Variants in AGBL1 observed in about 807,000 individuals in gnomAD.
AGBL1 encodes the protein AGBL carboxypeptidase 1, also known as cytosolic carboxypeptidase 4.
A neutral mutation model predicts 118.9 loss-of-function variants in AGBL1; 130 were observed. The observed-to-expected ratio is 1.09, with a 90% CI of 0.95 to 1.26. The LOEUF (loss-of-function observed/expected upper bound fraction) is 1.26. AGBL1 is among the 50% of genes most tolerant of loss of function. AGBL1 has a pLI of 0.00. For synonymous variants in AGBL1, 555 were observed against 478.9 expected, an observed-to-expected ratio of 1.16 and a Z score of -2.08; for missense variants, 1,584 against 1,298.1, an observed-to-expected ratio of 1.22 and a Z score of -3.38.
At chr15:86,937,742 C>G (rs964050660) in intron 23 of AGBL1, among the ~76,000 whole-genome samples, 2 of 152,112 alleles carry the variant, frequency 1.3e-5, no homozygotes, top group Non-Finnish European at 2.9e-5. Flanking sequence ...TACAACAAAC[C>G]CCCATGACAT....
At chr15:86,261,338 T>C (rs1037840664) in intron 9 of AGBL1, among the ~76,000 whole-genome samples, 1 of 152,022 alleles carries the variant, frequency 6.6e-6, no homozygotes, top group African/African-American at 2.4e-5. Context: ...AAGCAGGAAT[T>C]GATGGATGAA....
chr15:86,771,062 G>A (rs2078172312), intron 22 of AGBL1, among the ~76,000 whole-genome samples: 2 of 152,040 alleles, frequency 1.3e-5, no homozygotes, highest in African/African-American at 4.8e-5. Flanking sequence ...CCACAGTCTA[G>A]AGGAACTCTA....
At chr15:86,530,704 T>G (rs1481082907) in intron 19 of AGBL1, among the ~76,000 whole-genome samples, 4 of 150,370 alleles carry the variant, frequency 2.7e-5, no homozygotes, top group Non-Finnish European at 5.9e-5. Context: ...ACCACATAGT[T>G]GGAAGTAAAG....
chr15:86,701,435 A>G (rs10520636), intron 22 of AGBL1, among the ~76,000 whole-genome samples: 13,916 of 152,106 alleles, frequency 0.091, 786 homozygotes, highest in African/African-American at 0.15. Context: ...GATGTTTACA[A>G]AGTCCCAGCT....
intron 16 of AGBL1, among the ~76,000 whole-genome samples, chr15:86,283,190 C>A (rs565436896): frequency 2.6e-5 from 4 of 152,080 alleles, no homozygotes; most frequent in Admixed American, 2.6e-4. Flanking sequence ...TAGCAATAAT[C>A]GTTACAGTAT....
At chr15:86,298,777 G>A (rs2079698441) in intron 17 of AGBL1, among the ~76,000 whole-genome samples, 1 of 152,094 alleles carries the variant, frequency 6.6e-6, no homozygotes, top group Admixed American at 6.6e-5. Flanking sequence ...TCCACTGTGT[G>A]GGATTATTAC....
At chr15:86,217,170 A>G (rs1467262008) in intron 5 of AGBL1, among the ~76,000 whole-genome samples, 7 of 152,192 alleles carry the variant, frequency 4.6e-5, no homozygotes, top group East Asian at 1.9e-4. Flanking sequence ...CTTTTCAAAA[A>G]TACTTTTGTC....
At chr15:86,245,500 G>A (rs1427564900) in intron 6 of AGBL1, among the ~76,000 whole-genome samples, 2 of 152,172 alleles carry the variant, frequency 1.3e-5, no homozygotes, top group Non-Finnish European at 2.9e-5. Flanking sequence ...AGCCAAGAGG[G>A]CCAGGCATCT....
chr15:86,148,470 C>T (rs1302050909), intron 3 of AGBL1, among the ~76,000 whole-genome samples: 1 of 152,132 alleles, frequency 6.6e-6, no homozygotes, highest in African/African-American at 2.4e-5. Flanking sequence ...ACAAGAACTT[C>T]GTGACACATG....
chr15:86,286,746 T>TATATATATATAA (rs1252958058), intron 16 of AGBL1, among the ~76,000 whole-genome samples: 2 of 145,702 alleles, frequency 1.4e-5, no homozygotes, highest in Admixed American at 6.9e-5. Context: ...TATATATATA[T>TATATATATATAA]ATAAAACTCC....
intron 21 of AGBL1, among the ~76,000 whole-genome samples, chr15:86,596,225 A>T (rs1454425027): frequency 6.6e-6 from 1 of 152,034 alleles, no homozygotes; most frequent in Non-Finnish European, 1.5e-5. Flanking sequence ...GGAGGATTGC[A>T]TGAGCCCTCC....
intron 6 of AGBL1, among the ~76,000 whole-genome samples, chr15:86,228,983 C>T (rs959085469): frequency 1.3e-5 from 2 of 152,066 alleles, no homozygotes; most frequent in African/African-American, 4.8e-5. Context: ...TGTATCAGTT[C>T]CCCTCTTCTC....
intron 5 of AGBL1, among the ~76,000 whole-genome samples, chr15:86,224,687 G>A (rs1220101426): frequency 6.6e-6 from 1 of 152,126 alleles, no homozygotes; most frequent in Non-Finnish European, 1.5e-5. Context: ...GAGATTTTCA[G>A]CAGCAGAGGG....
At chr15:86,831,202 G>C (rs1164935511) in intron 22 of AGBL1, among the ~76,000 whole-genome samples, 1 of 152,102 alleles carries the variant, frequency 6.6e-6, no homozygotes, top group African/African-American at 2.4e-5. Flanking sequence ...AGGATTATGG[G>C]AGCTAAAATT....
intron 22 of AGBL1, among the ~76,000 whole-genome samples, chr15:86,775,012 C>A (rs2078234769): frequency 6.6e-6 from 1 of 152,074 alleles, no homozygotes; most frequent in Admixed American, 6.6e-5. Context: ...TATTCATATC[C>A]CAAAAAATAC....
Position 86,275,515 on chromosome 15 carries a change from T to C in AGBL1, c.2075+3809T>C, listed in dbSNP as rs116383291. ...CATTCTCCATCATGGCATTTGCTTA[T>C]TTTATGCACCCTGCTGAAAAGAAAC... On this transcript the variant is annotated intron_variant, in intron 15 of 22. Coordinates refer to ENST00000614907, the MANE Select transcript of AGBL1 (RefSeq NM_001386094.1). Among the ~76,000 whole-genome samples the C allele has an allele frequency of 5.6e-3, 852 of 152,336 alleles. 5 individuals carry two copies. Among genetic ancestry groups the C allele is most frequent in the African/African-American group, 0.02 (820 of 41,574 alleles).
At chr15:86,919,167 T>C (rs1415961347), downstream of AGBL1, among the ~76,000 whole-genome samples, 2 of 152,228 alleles carry the variant, frequency 1.3e-5, no homozygotes, top group Admixed American at 1.3e-4. Context: ...CCTAAACTGT[T>C]ACTGTTCCTC....
intron 21 of AGBL1, among the ~76,000 whole-genome samples, chr15:86,637,134 A>G (rs1317245854): frequency 6.6e-6 from 1 of 152,124 alleles, no homozygotes; most frequent in Non-Finnish European, 1.5e-5. Context: ...ACCTGCCCTC[A>G]TAGAGTTTGT....
Position 86,124,605 on chromosome 15 carries a change from G to C in AGBL1, c.52-17399G>C, listed in dbSNP as rs8023886. On this transcript the variant is annotated intron_variant, in intron 1 of 22. Transcript: ENST00000614907. ...AGATTTCTCTTCTGTTTCCTTAAGG[G>C]ACTTGGTTCATGCCTCTGATACTGA... is the stretch of plus-strand genomic sequence containing the variant. Among the ~76,000 whole-genome samples the C allele has an allele frequency of 3.7e-3, 558 of 152,074 alleles. 3 individuals are homozygous for C. The highest frequency in any genetic ancestry group is 0.013 in the African/African-American group (536 of 41,488).
Sources: allele counts gnomAD v4.1 joint callset (sites outside exome capture counted in the v4.1 genomes callset), GRCh38; gene constraint gnomAD v4.1.1; transcripts MANE v1.5; gene names NCBI Gene and HGNC (gene_info 2026-07-23, HGNC 2026-07-21).